Variants in INSC observed in about 807,000 individuals in gnomAD.
The protein encoded by INSC is protein inscuteable homolog.
In INSC, 67 loss-of-function variants were observed where a neutral mutation model predicts 58.6. The ratio of observed to expected loss-of-function variants is 1.14; its 90% confidence interval spans 0.94 to 1.40. The LOEUF (loss-of-function observed/expected upper bound fraction) is 1.40. INSC is among the 40% of genes most tolerant of loss of function. INSC has a pLI of 0.00. For missense variants in INSC, 714 were observed against 692.0 expected, an observed-to-expected ratio of 1.03 and a Z score of -0.36; for synonymous variants, 262 against 276.1, an observed-to-expected ratio of 0.95 and a Z score of 0.51.
chr11:15,227,716 C>T (rs1349616112), intron 9 of INSC, among the ~76,000 whole-genome samples: 1 of 152,178 alleles, frequency 6.6e-6, no homozygotes, highest in Non-Finnish European at 1.5e-5. Flanking sequence ...CATAGACATA[C>T]CCTTGGTAGT....
rs767238917 is a variant in INSC, at chr11:15,240,537, C to G, written c.1470+14C>G. 2.5e-6 allele frequency: 4 copies of G among 1,608,408 alleles called. No individual in the cohort carries two copies. Among genetic ancestry groups the G allele is most frequent in the Non-Finnish European group, 3.4e-6 (4 of 1,176,668 alleles). Reference sequence around the variant, plus strand: ...GTGGCCTGCCTGGTGAGTTCTCAGTCTTCCCCCAGCTTTTCCCCTGGCCTT... The same window carrying G: ...GTGGCCTGCCTGGTGAGTTCTCAGTGTTCCCCCAGCTTTTCCCCTGGCCTT... On this transcript the variant is annotated intron_variant, in intron 12 of 12. Coordinates refer to ENST00000379556, the MANE Select transcript of INSC (RefSeq NM_001042536.3).
intron 10 of INSC, among the ~76,000 whole-genome samples, chr11:15,237,316 C>T (rs1398578860): frequency 6.6e-6 from 1 of 152,156 alleles, no homozygotes; most frequent in Non-Finnish European, 1.5e-5. Context: ...AAACTGGAAC[C>T]ATACTCTGTG....
At chr11:15,155,602 T>A (rs1298557733) in intron 2 of INSC, among the ~76,000 whole-genome samples, 2 of 152,172 alleles carry the variant, frequency 1.3e-5, no homozygotes, top group African/African-American at 4.8e-5. Context: ...CCTGGCCCAT[T>A]TGGGGTGCTT....
At chr11:15,191,750 T>C (rs1850186470) in intron 6 of INSC, among the ~76,000 whole-genome samples, 1 of 152,170 alleles carries the variant, frequency 6.6e-6, no homozygotes, top group African/African-American at 2.4e-5. Context: ...CACCACCAAC[T>C]CGGAGGTTTG....
chr11:15,185,696 AAG>A (rs1378212839), intron 5 of INSC, among the ~76,000 whole-genome samples: 6 of 152,186 alleles, frequency 3.9e-5, no homozygotes, highest in African/African-American at 7.2e-5. Flanking sequence ...AATGTTAAAA[AAG>A]AGATTATTCA....
At chr11:15,267,618 A>G in the INSC span, among the ~76,000 whole-genome samples, 1 of 151,942 alleles carries the variant, frequency 6.6e-6, no homozygotes, top group Admixed American at 6.6e-5. Flanking sequence ...TCATGTCTTC[A>G]CATGCTCTTT....
intron 7 of INSC, among the ~76,000 whole-genome samples, chr11:15,215,473 C>T (rs1172471126): frequency 1.3e-5 from 2 of 152,216 alleles, no homozygotes; most frequent in Admixed American, 6.5e-5. Context: ...ACCAGCTTTT[C>T]CTCTTCTCCC....
At chr11:15,217,105 A>G (rs1414662310) in intron 7 of INSC, among the ~76,000 whole-genome samples, 1 of 152,194 alleles carries the variant, frequency 6.6e-6, no homozygotes, top group African/African-American at 2.4e-5. Context: ...GGTAATTTAT[A>G]AAGGAAAGAG....
At chr11:15,168,920 A>G (rs1590390591) in intron 2 of INSC, among the ~76,000 whole-genome samples, 1 of 152,164 alleles carries the variant, frequency 6.6e-6, no homozygotes, top group African/African-American at 2.4e-5. Context: ...TTCTATGTAC[A>G]TATGTTATAT....
chr11:15,150,733 G>T (rs1038146290), intron 2 of INSC, among the ~76,000 whole-genome samples: 8 of 152,116 alleles, frequency 5.3e-5, no homozygotes, highest in African/African-American at 1.7e-4. Flanking sequence ...GACAGGGTGT[G>T]GTGGTTCTCA....
intron 5 of INSC, among the ~76,000 whole-genome samples, chr11:15,182,172 T>C (rs1849804144): frequency 6.6e-6 from 1 of 152,168 alleles, no homozygotes; most frequent in South Asian, 2.1e-4. Flanking sequence ...ACTACACATA[T>C]ATTCTGAGAA....
chr11:15,151,439 C>T (rs777618996), intron 2 of INSC, among the ~76,000 whole-genome samples: 1 of 152,066 alleles, frequency 6.6e-6, no homozygotes, highest in Non-Finnish European at 1.5e-5. Flanking sequence ...GTAGTGAAAA[C>T]GATACAATCT....
chr11:15,188,448 C>G, intron 5 of INSC: 2 of 646,264 alleles, frequency 3.1e-6, no homozygotes, highest in Non-Finnish European at 3.8e-6. Flanking sequence ...TAACCTTAGT[C>G]AAGTCTGCAT....
chr11:15,251,938 C>G (rs967083288), downstream of INSC, among the ~76,000 whole-genome samples: 41 of 152,252 alleles, frequency 2.7e-4, no homozygotes, highest in African/African-American at 9.4e-4. Flanking sequence ...CACTAAGGTT[C>G]ATAACAGCAT....
chr11:15,224,693 C>T (rs1851565856), intron 8 of INSC, among the ~76,000 whole-genome samples: 1 of 152,220 alleles, frequency 6.6e-6, no homozygotes, highest in Non-Finnish European at 1.5e-5. Context: ...TAGAGCCCAT[C>T]TATGCCTCCT....
intron 6 of INSC, among the ~76,000 whole-genome samples, chr11:15,198,410 A>G (rs1468173205): frequency 1.3e-5 from 2 of 152,118 alleles, no homozygotes; most frequent in Non-Finnish European, 2.9e-5. Flanking sequence ...TGTAATGAGA[A>G]TCCAGTGCAA....
intron 7 of INSC, 30 bp from the exon 8 acceptor site, chr11:15,221,447 C>A: frequency 6.3e-7 from 1 of 1,582,864 alleles, no homozygotes; most frequent in Non-Finnish European, 8.6e-7. Flanking sequence ...ACCCAGGATG[C>A]ACAGGGGAGC....
intron 5 of INSC, among the ~76,000 whole-genome samples, chr11:15,181,989 G>T (rs562551994): frequency 6.6e-6 from 1 of 152,226 alleles, no homozygotes; most frequent in Non-Finnish European, 1.5e-5. Flanking sequence ...AGCCAGGAGG[G>T]CCTCATTCCA....
At chr11:15,230,013 A>ATATATATTAT (rs1491490993) in intron 9 of INSC, among the ~76,000 whole-genome samples, 1 of 23,880 alleles carries the variant, frequency 4.2e-5, no homozygotes, top group African/African-American at 1.7e-4. Context: ...ATATATATAT[A>ATATATATTAT]ATATATATAT....
Sources: gnomAD v4.1 joint callset for allele counts (sites outside exome capture counted in the v4.1 genomes callset) on GRCh38, gnomAD v4.1.1 for gene constraint, MANE v1.5 for transcripts, NCBI Gene and HGNC (gene_info 2026-07-23, HGNC 2026-07-21) for gene names.